Variants in TMEM71 observed in about 807,000 individuals in gnomAD.
TMEM71 encodes transmembrane protein 71.
Under a neutral mutation model 38.0 loss-of-function variants are expected in TMEM71, and 44 were observed. The ratio of observed to expected loss-of-function variants is 1.16; its 90% CI spans 0.91 to 1.49. The LOEUF (loss-of-function observed/expected upper bound fraction) is 1.49. Ranked by LOEUF, TMEM71 falls within the 40% of genes most tolerant of loss-of-function variation. The pLI is 0.00. For synonymous variants in TMEM71, 133 were observed against 122.5 expected, an observed-to-expected ratio of 1.09 and a Z score of -0.56; for missense variants, 367 against 348.6, an observed-to-expected ratio of 1.05 and a Z score of -0.42.
chr8:132,752,102 GA>G (rs1828748815), intron 3 of TMEM71, 105 bp from the exon 4 acceptor site: 2 of 910,332 alleles, frequency 2.2e-6, no homozygotes, highest in Non-Finnish European at 3.5e-6. Context: ...TTGCATCCAT[GA>G]CTGTCAATTA....
the TMEM71 span, chr8:132,775,418 C>T: frequency 1.6e-5 from 6 of 384,096 alleles, no homozygotes; most frequent in Admixed American, 1.4e-4. Flanking sequence ...GCGGCGGCGG[C>T]GGCGGCGATG....
intron 3 of TMEM71, among the ~76,000 whole-genome samples, chr8:132,755,362 T>C (rs1342696600): frequency 6.6e-6 from 1 of 152,204 alleles, no homozygotes; most frequent in Non-Finnish European, 1.5e-5. Flanking sequence ...TTTCTCTAGA[T>C]CTTGACTCTT....
chr8:132,755,910 A>G (rs547065159), intron 3 of TMEM71, among the ~76,000 whole-genome samples: 17 of 152,302 alleles, frequency 1.1e-4, no homozygotes, highest in African/African-American at 4.1e-4. Flanking sequence ...AATTACTTGG[A>G]TATTTTACAT....
intron 3 of TMEM71, among the ~76,000 whole-genome samples, chr8:132,752,519 T>C (rs775600428): frequency 8.5e-5 from 13 of 152,178 alleles, no homozygotes; most frequent in Admixed American, 3.3e-4. Flanking sequence ...TGATTTGGTA[T>C]CCAGGGAAGG....
Position 132,722,066 on chromosome 8 carries a change from C to A in TMEM71, c.726G>T (p.Val242=), listed in dbSNP as rs369821125. The change falls in exon 7 of 10, where the codon GTG becomes GTT. Residue 242 remains valine, a synonymous_variant. Coordinates refer to ENST00000677595, the MANE Select transcript of TMEM71 (RefSeq NM_001382403.1). ...EVFFQAILLA[V]CLIISACARW... ...TTGCACATGCAGAAATGATTAAGCA[C>A]ACAGCAAGCAGGATTGCCTGAAAGA... is the stretch of plus-strand genomic sequence containing the variant. The A allele has an allele frequency of 1.3e-5, 21 of 1,613,918 alleles. No homozygotes were observed. Among genetic ancestry groups the A allele is most frequent in the Middle Eastern group, 3.3e-4 (2 of 6,084 alleles).
chr8:132,726,889 A>T, intron 6 of TMEM71, among the ~76,000 whole-genome samples: 1 of 144,936 alleles, frequency 6.9e-6, no homozygotes. Flanking sequence ...TCTGTCACCC[A>T]GGCTGGAATG....
chr8:132,741,780 G>C (rs1025186084), intron 5 of TMEM71, among the ~76,000 whole-genome samples: 2 of 152,174 alleles, frequency 1.3e-5, no homozygotes, highest in Admixed American at 6.5e-5. Context: ...ACAGGGAGAA[G>C]GTTAGGCCTC....
chr8:132,741,232 G>A (rs567144059), intron 5 of TMEM71, among the ~76,000 whole-genome samples: 21 of 152,192 alleles, frequency 1.4e-4, no homozygotes, highest in East Asian at 3.9e-4. Context: ...GTGTGGTGGC[G>A]CGTGCCTGTA....
At chr8:132,709,152 T>C (rs914082062), downstream of TMEM71, among the ~76,000 whole-genome samples, 10 of 152,214 alleles carry the variant, frequency 6.6e-5, no homozygotes, top group Admixed American at 1.3e-4. Flanking sequence ...AAAATGTGTG[T>C]TACACATAGA....
chr8:132,733,481 C>T (rs1563749055), intron 5 of TMEM71, among the ~76,000 whole-genome samples: 1 of 152,170 alleles, frequency 6.6e-6, no homozygotes, highest in Non-Finnish European at 1.5e-5. Context: ...GCTGACTTCA[C>T]CTGTGGTTCC....
At chr8:132,743,717 ATT>A (rs1828181158) in intron 5 of TMEM71, among the ~76,000 whole-genome samples, 2 of 151,956 alleles carry the variant, frequency 1.3e-5, no homozygotes, top group African/African-American at 4.8e-5. Flanking sequence ...TTTAACTCAG[ATT>A]CCTCCTCTGA....
At chr8:132,759,977 T>C (rs1399153078) in intron 1 of TMEM71, among the ~76,000 whole-genome samples, 1 of 152,206 alleles carries the variant, frequency 6.6e-6, no homozygotes, top group African/African-American at 2.4e-5. Context: ...TGTAATATAT[T>C]AGTATGTTAC....
intron 5 of TMEM71, among the ~76,000 whole-genome samples, chr8:132,740,922 A>G (rs754545526): frequency 6.6e-6 from 1 of 152,192 alleles, no homozygotes; most frequent in Non-Finnish European, 1.5e-5. Context: ...GAAATATTCA[A>G]AAGGCCTTGC....
downstream of TMEM71, chr8:132,709,932 A>G (rs1826156693): frequency 6.6e-6 from 1 of 152,040 alleles, no homozygotes; most frequent in South Asian, 2.1e-4. Flanking sequence ...ATATACACAC[A>G]CACAAATATA....
Position 132,710,778 on chromosome 8 carries a change from G to A in TMEM71, c.*189C>T. On this transcript the variant is annotated 3_prime_UTR_variant, in exon 10 of 10. Transcript: ENST00000677595. ...GAAGGCAAATTAATATTATTTTCAT[G>A]AGCATATTATAATTTTGATGGAAAA... is the stretch of plus-strand genomic sequence containing the variant. 1.6e-6 allele frequency: 1 copy of A among 616,852 alleles called. No individual in the cohort carries two copies. Among genetic ancestry groups the A allele is most frequent in the Non-Finnish European group, 2.9e-6 (1 of 343,794 alleles). The allele number at this position is 616,852 out of a possible 1,614,324, so 38.2% of individuals were successfully genotyped here.
intron 5 of TMEM71, among the ~76,000 whole-genome samples, chr8:132,741,344 C>T (rs1315510540): frequency 6.6e-6 from 1 of 152,104 alleles, no homozygotes; most frequent in Admixed American, 6.5e-5. Context: ...TGGGTCTCTC[C>T]CCATGTGTGG....
chr8:132,706,405 G>A (rs137913325), downstream of TMEM71, among the ~76,000 whole-genome samples: 358 of 152,178 alleles, frequency 2.4e-3, no homozygotes, highest in African/African-American at 8.2e-3. Context: ...ACCTGACTCA[G>A]TTCTTACAGG....
At chr8:132,742,099 T>C (rs903773434) in intron 5 of TMEM71, among the ~76,000 whole-genome samples, 2 of 152,240 alleles carry the variant, frequency 1.3e-5, no homozygotes, top group African/African-American at 2.4e-5. Context: ...TATCTCTGTA[T>C]GGCCTGGTTT....
At chr8:132,706,789 A>G (rs1215686255), downstream of TMEM71, among the ~76,000 whole-genome samples, 1 of 152,186 alleles carries the variant, frequency 6.6e-6, no homozygotes, top group African/African-American at 2.4e-5. Flanking sequence ...ATTCCCAATA[A>G]AGAAGATGTG....
Sources: gnomAD v4.1 joint callset for allele counts (sites outside exome capture counted in the v4.1 genomes callset) on GRCh38, gnomAD v4.1.1 for gene constraint, MANE v1.5 for transcripts, NCBI Gene and HGNC (gene_info 2026-07-23, HGNC 2026-07-21) for gene names.